The following UBE3D variants were observed in gnomAD, a reference collection of about 807,000 sequenced individuals.
UBE3D encodes ubiquitin protein ligase E3D.
UBE3D carries 48 observed loss-of-function variants against 49.6 expected under a neutral mutation model. That is an observed-to-expected ratio of 0.97 (90% CI 0.77 to 1.23). The LOEUF (loss-of-function observed/expected upper bound fraction) is 1.23, where lower values mean the gene tolerates loss of function less well. Ranked by LOEUF, UBE3D falls within the 50% of genes most tolerant of loss-of-function variation. UBE3D has a pLI of 0.00. For missense variants in UBE3D, 452 were observed against 468.4 expected, an observed-to-expected ratio of 0.96 and a Z score of 0.32; for synonymous variants, 189 against 174.2, an observed-to-expected ratio of 1.08 and a Z score of -0.67.
At chr6:83,029,330 A>G (rs1348149237) in intron 5 of UBE3D, among the ~76,000 whole-genome samples, 2 of 152,098 alleles carry the variant, frequency 1.3e-5, no homozygotes, top group Non-Finnish European at 2.9e-5. Flanking sequence ...AATTTGGATT[A>G]ATCTGTAAGT....
intron 7 of UBE3D, among the ~76,000 whole-genome samples, chr6:83,021,048 A>G (rs1781055761): frequency 6.6e-6 from 1 of 152,210 alleles, no homozygotes; most frequent in African/African-American, 2.4e-5. Context: ...CTCTAGTGGT[A>G]CATGCTGGGA....
At chr6:83,049,426 T>C (rs988495011) in intron 3 of UBE3D, among the ~76,000 whole-genome samples, 2 of 152,350 alleles carry the variant, frequency 1.3e-5, no homozygotes, top group African/African-American at 4.8e-5. Context: ...ACGTACATAG[T>C]ATGATTTGAG....
At chr6:82,978,921 A>C (rs1323901651) in intron 8 of UBE3D, among the ~76,000 whole-genome samples, 2 of 152,060 alleles carry the variant, frequency 1.3e-5, no homozygotes, top group Non-Finnish European at 2.9e-5. Context: ...TTTTGATTCT[A>C]CTCTGAAGAA....
Position 83,044,652 on chromosome 6 carries a change from G to A in UBE3D, c.373C>T (p.Leu125Phe), listed in dbSNP as rs1389253875. The A allele has an allele frequency of 1.2e-6, 2 of 1,612,644 alleles. No homozygotes were observed. The highest frequency in any genetic ancestry group is 1.3e-5 in the African/African-American group (1 of 74,860). ...GEVIIKDRKL[L>F]RVLPLPSENW... ...TCACTCGGCAGTGGGAGCACCCTGAGGAGCTTCCTAGTGGAAAGAGGAAAA... is the reference window on the plus strand; with the variant it reads ...TCACTCGGCAGTGGGAGCACCCTGAAGAGCTTCCTAGTGGAAAGAGGAAAA... Residue 125 changes from leucine (L) to phenylalanine (F), a missense_variant, in exon 4 of 10, where the codon CTC becomes TTC. Physicochemically the swap from Leu to Phe is conservative, Grantham distance 22 (BLOSUM62 0). Coordinates refer to ENST00000369747, the MANE Select transcript of UBE3D (RefSeq NM_198920.3).
chr6:82,977,471 T>C (rs1332188197), intron 8 of UBE3D, among the ~76,000 whole-genome samples: 2 of 152,154 alleles, frequency 1.3e-5, no homozygotes, highest in Non-Finnish European at 2.9e-5. Flanking sequence ...CAAAACTAAA[T>C]TGACCCTGAT....
At chr6:82,900,930 T>C (rs1053707391) in intron 9 of UBE3D, among the ~76,000 whole-genome samples, 1 of 152,218 alleles carries the variant, frequency 6.6e-6, no homozygotes, top group Non-Finnish European at 1.5e-5. Flanking sequence ...ATTGCAATTA[T>C]TGAAACTTAG....
At chr6:82,939,972 A>G (rs549674346) in intron 9 of UBE3D, among the ~76,000 whole-genome samples, 212 of 152,362 alleles carry the variant, frequency 1.4e-3, no homozygotes, top group Admixed American at 2.9e-3. Context: ...TACAGAAAGC[A>G]CAGAAACTGT....
chr6:82,890,304 T>C (rs1489647955), downstream of UBE3D, among the ~76,000 whole-genome samples: 1 of 152,170 alleles, frequency 6.6e-6, no homozygotes, highest in African/African-American at 2.4e-5. Flanking sequence ...AAAGAGCCAT[T>C]TCCCTTTTCC....
At position 83,028,653 on chromosome 6, in the gene UBE3D, C is replaced by T. The variant is rs557727358; in HGVS notation, c.668-4615G>A. Among the ~76,000 whole-genome samples, 3 of 152,266 alleles carry T rather than the reference C, an allele frequency of 2.0e-5. No individual in the cohort carries two copies. The South Asian group carries it at 6.2e-4, about 32-fold the overall frequency. On this transcript the variant is annotated intron_variant, in intron 5 of 9. Transcript: ENST00000369747. ...AAATGTGGCTTGAATTTTGTGCTTACCTCTTTTGAGTCTGCTTTTCTGGTA... is the reference window on the plus strand; with the variant it reads ...AAATGTGGCTTGAATTTTGTGCTTATCTCTTTTGAGTCTGCTTTTCTGGTA...
At chr6:82,882,368 C>A in the UBE3D span, among the ~76,000 whole-genome samples, 3 of 152,104 alleles carry the variant, frequency 2.0e-5, no homozygotes, top group East Asian at 5.8e-4. Context: ...TGGGAAACCC[C>A]AAACAAATGT....
intron 8 of UBE3D, among the ~76,000 whole-genome samples, chr6:83,013,343 G>A (rs1780476712): frequency 6.6e-6 from 1 of 152,166 alleles, no homozygotes; most frequent in Non-Finnish European, 1.5e-5. Context: ...CCAAAATCCT[G>A]ATGCCTCCGC....
Position 83,044,477 on chromosome 6 carries a change from A to G in UBE3D, c.548T>C (p.Leu183Pro), listed in dbSNP as rs1422165546. The change falls in exon 4 of 10, where the codon CTA becomes CCA. Residue 183 changes from leucine (L) to proline (P), a missense_variant. Physicochemically the swap from Leu to Pro is moderately conservative, Grantham distance 98. Transcript: ENST00000369747. ...AACACAGCACATCTCCACTGGGGAT[A>G]GTTCAGGTCTTTGCTGCCACAAACT... Reference protein sequence around the residue: ...RTSLWQQRPELSPVEMCCVSS... With the variant: ...RTSLWQQRPEPSPVEMCCVSS... 2 of 1,614,048 alleles carry G rather than the reference A, an allele frequency of 1.2e-6. No individual in the cohort carries two copies. Among genetic ancestry groups the G allele is most frequent in the South Asian group, 2.2e-5 (2 of 91,086 alleles).
chr6:82,899,557 A>C (rs1771578687), intron 9 of UBE3D, among the ~76,000 whole-genome samples: 1 of 152,250 alleles, frequency 6.6e-6, no homozygotes, highest in Non-Finnish European at 1.5e-5. Context: ...AAAGGCCAGC[A>C]GTCCACTTAC....
intron 8 of UBE3D, among the ~76,000 whole-genome samples, chr6:82,987,840 A>T (rs1778626442): frequency 6.6e-6 from 1 of 152,246 alleles, no homozygotes; most frequent in Admixed American, 6.5e-5. Flanking sequence ...AAAGAATAAC[A>T]GATATATAAG....
At chr6:83,044,953 T>C (rs1782932289) in intron 3 of UBE3D, among the ~76,000 whole-genome samples, 3 of 152,212 alleles carry the variant, frequency 2.0e-5, no homozygotes, top group Admixed American at 2.0e-4. Flanking sequence ...CACACGAAGT[T>C]TGAGAATCGT....
intron 5 of UBE3D, among the ~76,000 whole-genome samples, chr6:83,033,094 G>C (rs1781995661): frequency 6.6e-6 from 1 of 152,112 alleles, no homozygotes; most frequent in African/African-American, 2.4e-5. Flanking sequence ...AAGGACCTTG[G>C]GAACCTGACA....
rs560258903 is a variant in UBE3D, at chr6:83,053,709, G to C, written c.365+439C>G. Among the ~76,000 whole-genome samples, 17 of 152,300 alleles carry C rather than the reference G, an allele frequency of 1.1e-4. No homozygotes were observed. In the South Asian group the frequency reaches 3.3e-3, roughly 30 times the overall value. ...TGCTCTGTATGCTCTGTTTTAATAA[G>C]CAGGAGAAATAGGAAATGGATTTTA... is the stretch of plus-strand genomic sequence containing the variant. On this transcript the variant is annotated intron_variant, in intron 3 of 9. Transcript: ENST00000369747.
intron 8 of UBE3D, among the ~76,000 whole-genome samples, chr6:82,974,000 T>G (rs566588800): frequency 6.6e-6 from 1 of 152,196 alleles, no homozygotes; most frequent in Non-Finnish European, 1.5e-5. Flanking sequence ...TGTCTAGTTG[T>G]AGGAAAACAG....
intron 8 of UBE3D, among the ~76,000 whole-genome samples, chr6:82,963,279 ATATCCT>A (rs1248342433): frequency 1.3e-5 from 2 of 151,370 alleles, no homozygotes; most frequent in African/African-American, 4.9e-5. Context: ...TTCATACAGT[ATATCCT>A]AAAACAATCA....
Sources: gnomAD v4.1 joint callset for allele counts (sites outside exome capture counted in the v4.1 genomes callset) on GRCh38, gnomAD v4.1.1 for gene constraint, MANE v1.5 for transcripts, NCBI Gene and HGNC (gene_info 2026-07-23, HGNC 2026-07-21) for gene names.